CLHC1: variants seen among roughly 807,000 people sequenced by gnomAD.
The protein encoded by CLHC1 is clathrin heavy chain linker domain-containing protein 1.
Under a neutral mutation model 69.5 loss-of-function variants are expected in CLHC1, and 72 were observed. The ratio of observed to expected loss-of-function variants is 1.04; its 90% CI spans 0.86 to 1.26. CLHC1 has a LOEUF of 1.26. CLHC1 is among the 50% of genes most tolerant of loss of function. The pLI is 0.00. For missense variants in CLHC1, 790 were observed against 679.3 expected, an observed-to-expected ratio of 1.16 and a Z score of -1.81; for synonymous variants, 223 against 224.3, an observed-to-expected ratio of 0.99 and a Z score of 0.05.
At chr2:55,180,413 T>C in intron 11 of CLHC1, 97 bp downstream of exon 11, 1 of 830,182 alleles carries the variant, frequency 1.2e-6, no homozygotes, top group Non-Finnish European at 1.9e-6. Context: ...AAATTGATTT[T>C]ATAACGTAAG....
chr2:55,208,850 C>T, intron 7 of CLHC1, 140 bp from the exon 8 acceptor site: 2 of 515,718 alleles, frequency 3.9e-6, no homozygotes, highest in Middle Eastern at 9.6e-4. Context: ...TTAGTGGCCT[C>T]CCCGTCCCTT....
Position 55,180,573 on chromosome 2 carries a change from AC to A in CLHC1, c.1320del (p.Leu440PhefsTer17). ...CGLHKKAILC[L>X]CKQGQTHRVM... ...ACCCTATGAGTCTGACCCTGTTTACACAAGCAAAGAATAGCTTTCTTGTGCA... is the reference window on the plus strand; with the variant it reads ...ACCCTATGAGTCTGACCCTGTTTACAAAGCAAAGAATAGCTTTCTTGTGCA... On this transcript the variant is annotated frameshift_variant, in exon 11 of 13. Transcript: ENST00000401408. LOFTEE classifies it high-confidence loss of function. 6.2e-7 allele frequency: 1 copy of A among 1,614,162 alleles called. No individual in the cohort carries two copies. Among genetic ancestry groups the A allele is most frequent in the Non-Finnish European group, 8.5e-7 (1 of 1,180,014 alleles).
At chr2:55,186,228 G>A (rs955895165) in intron 9 of CLHC1, among the ~76,000 whole-genome samples, 1 of 152,186 alleles carries the variant, frequency 6.6e-6, no homozygotes, top group African/African-American at 2.4e-5. Context: ...AAACATTAGA[G>A]ACCAGGCAGA....
chr2:55,177,838 A>G, intron 11 of CLHC1, 57 bp from the exon 12 acceptor site: 1 of 1,294,030 alleles, frequency 7.7e-7, no homozygotes, highest in Non-Finnish European at 1.1e-6. Flanking sequence ...AATCAACTAG[A>G]AACTAGGACT....
intron 9 of CLHC1, among the ~76,000 whole-genome samples, chr2:55,202,871 C>A (rs2103882302): frequency 6.7e-6 from 1 of 148,242 alleles, no homozygotes; most frequent in African/African-American, 2.5e-5. Flanking sequence ...TGCACTCCAG[C>A]CTGGGTGACA....
chr2:55,180,218 T>C lies in CLHC1; in HGVS notation c.1384+292A>G, dbSNP rs1469038524. Among the ~76,000 whole-genome samples, 4 of 152,226 alleles carry C rather than the reference T, an allele frequency of 2.6e-5. No individual in the cohort carries two copies. The South Asian group carries it at 8.3e-4, about 32-fold the overall frequency. On this transcript the variant is annotated intron_variant, in intron 11 of 12. Coordinates refer to ENST00000401408, the MANE Select transcript of CLHC1 (RefSeq NM_152385.4). ...TTTTAAAAATCATATATGTAGTATG[T>C]TCTAGTATATCTGCTAAATCTATCT...
At chr2:55,190,709 A>T (rs1670841763) in intron 9 of CLHC1, among the ~76,000 whole-genome samples, 1 of 152,196 alleles carries the variant, frequency 6.6e-6, no homozygotes, top group South Asian at 2.1e-4. Flanking sequence ...AAAGACTAAA[A>T]CTTGGACAAA....
chr2:55,194,725 AT>A lies in CLHC1; in HGVS notation c.1006+11544del, dbSNP rs150091918. The stretch of plus-strand genomic sequence containing the variant: ...AGACCAATATACAAAAGTCAACTGA[AT>A]TTTTTTAAATCTCTTTTTTAAAAAT... On this transcript the variant is annotated intron_variant, in intron 9 of 12. Coordinates refer to ENST00000401408, the MANE Select transcript of CLHC1 (RefSeq NM_152385.4). 8.1e-4 allele frequency among the ~76,000 whole-genome samples: 123 copies of A among 152,280 alleles called. No individual in the cohort carries two copies. The East Asian group carries it at 0.021, about 26-fold the overall frequency.
chr2:55,186,471 T>A (rs1191321314), intron 9 of CLHC1, among the ~76,000 whole-genome samples: 2 of 152,200 alleles, frequency 1.3e-5, no homozygotes, highest in Non-Finnish European at 2.9e-5. Context: ...TATCTATGTC[T>A]GGCTCAGCAC....
chr2:55,222,135 T>C lies in CLHC1; in HGVS notation c.177+100A>G, dbSNP rs1573771789. On this transcript the variant is annotated intron_variant, in intron 3 of 12. Coordinates refer to ENST00000401408, the MANE Select transcript of CLHC1 (RefSeq NM_152385.4). ...CTCAAAATCAGCAAATGGAATGTTA[T>C]CATTCAAACAGTGGTGTTACTAAGG... 7.6e-6 allele frequency: 6 copies of C among 785,186 alleles called. No individual in the cohort carries two copies. In the East Asian group the frequency reaches 1.6e-4, roughly 21 times the overall value. 48.6% of individuals were successfully genotyped at this position (785,186 alleles called of 1,614,324 possible). A position where few individuals can be genotyped will look rare whatever the true frequency, so the allele number is the denominator to read the frequency against.
Position 55,180,677 on chromosome 2 carries a change from C to G in CLHC1, c.1217G>C (p.Cys406Ser), listed in dbSNP as rs765109921. The G allele has an allele frequency of 6.2e-7, 1 of 1,614,006 alleles. No homozygotes were observed. Among genetic ancestry groups the G allele is most frequent in the East Asian group, 2.2e-5 (1 of 44,860 alleles). Reference protein sequence around the residue: ...TFSEEAGDVICDYGEQDTYNK... With the variant: ...TFSEEAGDVISDYGEQDTYNK... ...ATAAGTATCCTGCTCCCCATAATCA[C>G]AAATCACATCCCCAGCCTCCTCAGA... Residue 406 changes from cysteine to serine, a missense_variant, in exon 11 of 13, where the codon TGT becomes TCT. Cys to Ser is a moderately radical substitution (Grantham distance 112, BLOSUM62 -1). Transcript: ENST00000401408.
chr2:55,204,297 C>A (rs1314774200), intron 9 of CLHC1, among the ~76,000 whole-genome samples: 1 of 151,980 alleles, frequency 6.6e-6, no homozygotes, highest in Admixed American at 6.6e-5. Flanking sequence ...AAAGAAAAGG[C>A]AAAAGATTTG....
At chr2:55,223,605 TC>T (rs1282859592) in intron 2 of CLHC1, among the ~76,000 whole-genome samples, 6 of 150,826 alleles carry the variant, frequency 4.0e-5, no homozygotes, top group African/African-American at 1.5e-4. Flanking sequence ...GGGGGACGGT[TC>T]CCCCGACCTC....
chr2:55,205,706 C>T (rs1345337803), intron 9 of CLHC1: 2 of 152,220 alleles, frequency 1.3e-5, no homozygotes, highest in Non-Finnish European at 2.9e-5. Flanking sequence ...CCAGTCTGGC[C>T]AACATGGGAA....
intron 9 of CLHC1, among the ~76,000 whole-genome samples, chr2:55,198,959 A>G (rs1671683739): frequency 6.6e-6 from 1 of 152,182 alleles, no homozygotes; most frequent in South Asian, 2.1e-4. Context: ...TCTCCCAGAC[A>G]AACAAGCTGA....
chr2:55,176,091 T>C, intron 12 of CLHC1, 105 bp from the exon 13 acceptor site: 2 of 897,930 alleles, frequency 2.2e-6, no homozygotes, highest in East Asian at 2.6e-5. Flanking sequence ...TCAGTTACTG[T>C]TAAACTCTAC....
intron 11 of CLHC1, 22 bp from the exon 12 acceptor site, chr2:55,177,803 T>C (rs200921597): frequency 3.5e-5 from 54 of 1,562,174 alleles, no homozygotes; most frequent in Middle Eastern, 1.7e-4. Flanking sequence ...AATGAAAAAG[T>C]TTATCTCAAT....
At chr2:55,193,431 T>A (rs1207121025) in intron 9 of CLHC1, among the ~76,000 whole-genome samples, 10 of 151,926 alleles carry the variant, frequency 6.6e-5, no homozygotes. Flanking sequence ...TATAAGGAAC[T>A]CTTAAAACTC....
intron 9 of CLHC1, among the ~76,000 whole-genome samples, chr2:55,187,471 G>T (rs1670525449): frequency 1.3e-5 from 2 of 151,828 alleles, no homozygotes; most frequent in Admixed American, 1.3e-4. Flanking sequence ...AAATTAACTG[G>T]GTGTGGTGGT....
Sources: allele counts gnomAD v4.1 joint callset (sites outside exome capture counted in the v4.1 genomes callset), GRCh38; gene constraint gnomAD v4.1.1; transcripts MANE v1.5; gene names NCBI Gene and HGNC (gene_info 2026-07-23, HGNC 2026-07-21).